Variants in CNTN5 observed in about 807,000 individuals in gnomAD.
The protein encoded by CNTN5 is contactin-5.
In CNTN5, 77 loss-of-function variants were observed where a neutral mutation model predicts 129.1. The ratio of observed to expected loss-of-function variants is 0.60; its 90% CI spans 0.50 to 0.72. The LOEUF (loss-of-function observed/expected upper bound fraction) is 0.72, where lower values mean the gene tolerates loss of function less well. Among genes scored for constraint, CNTN5 ranks in the 30% least tolerant of loss-of-function variants. The pLI, the probability that CNTN5 is intolerant of heterozygous loss-of-function variation, is 0.00. For synonymous variants in CNTN5, 509 were observed against 465.6 expected, an observed-to-expected ratio of 1.09 and a Z score of -1.20; for missense variants, 1,478 against 1,328.8, an observed-to-expected ratio of 1.11 and a Z score of -1.75.
chr11:99,763,389 C>G (rs946650520), intron 3 of CNTN5, among the ~76,000 whole-genome samples: 3 of 152,044 alleles, frequency 2.0e-5, no homozygotes, highest in Non-Finnish European at 2.9e-5. Flanking sequence ...AAAATTCTAA[C>G]TCATGTAAGC....
At chr11:99,263,214 T>C (rs1862726260) in intron 1 of CNTN5, among the ~76,000 whole-genome samples, 1 of 152,128 alleles carries the variant, frequency 6.6e-6, no homozygotes, top group South Asian at 2.1e-4. Context: ...GTTTCCTGTG[T>C]GATGCCAACA....
At chr11:100,121,351 A>G (rs1000182632) in intron 13 of CNTN5, among the ~76,000 whole-genome samples, 3 of 152,076 alleles carry the variant, frequency 2.0e-5, no homozygotes, top group African/African-American at 7.2e-5. Flanking sequence ...ACAGATTTTA[A>G]TCTTCCTTCC....
chr11:99,309,836 A>T (rs1385111637), intron 1 of CNTN5, among the ~76,000 whole-genome samples: 10 of 152,200 alleles, frequency 6.6e-5, no homozygotes, highest in African/African-American at 2.2e-4. Context: ...TTTAACTATT[A>T]ATATACATTA....
intron 2 of CNTN5, among the ~76,000 whole-genome samples, chr11:99,476,993 T>A (rs2726363): frequency 0.75 from 113,411 of 151,614 alleles, 42,888 homozygotes; most frequent in Middle Eastern, 0.86. Flanking sequence ...TGCTTTTTTC[T>A]TACCATCTCT....
At chr11:100,251,631 CT>C (rs574389342) in intron 16 of CNTN5, among the ~76,000 whole-genome samples, 3 of 151,692 alleles carry the variant, frequency 2.0e-5, no homozygotes, top group East Asian at 3.9e-4. Context: ...CTATGAGATC[CT>C]TTTTTTTAGC....
At chr11:99,737,042 G>A (rs905810476) in intron 3 of CNTN5, among the ~76,000 whole-genome samples, 34 of 152,096 alleles carry the variant, frequency 2.2e-4, no homozygotes, top group African/African-American at 7.0e-4. Context: ...GCCTTCTGTC[G>A]TCAAGTTTCA....
intron 13 of CNTN5, among the ~76,000 whole-genome samples, chr11:100,137,872 T>C (rs1275066943): frequency 2.6e-5 from 4 of 151,990 alleles, no homozygotes; most frequent in African/African-American, 4.8e-5. Context: ...CTGCCCACAG[T>C]GTAAAGGGTG....
At chr11:99,336,048 A>G (rs968839990) in intron 2 of CNTN5, among the ~76,000 whole-genome samples, 1 of 152,028 alleles carries the variant, frequency 6.6e-6, no homozygotes, top group Non-Finnish European at 1.5e-5. Flanking sequence ...AAAAAAAAAA[A>G]CTTTTTGTTT....
chr11:99,696,232 A>G (rs558680887), intron 3 of CNTN5, among the ~76,000 whole-genome samples: 3 of 152,188 alleles, frequency 2.0e-5, no homozygotes, highest in East Asian at 3.9e-4. Flanking sequence ...GTTTGCCACA[A>G]TAGAGCTTCC....
At chr11:99,990,404 T>A (rs1348413801) in intron 8 of CNTN5, among the ~76,000 whole-genome samples, 2 of 150,222 alleles carry the variant, frequency 1.3e-5, no homozygotes, top group Non-Finnish European at 2.9e-5. Flanking sequence ...CAAAAAAAAA[T>A]ATTTTTAGAA....
At chr11:99,815,824 T>C (rs1449400331) in intron 3 of CNTN5, among the ~76,000 whole-genome samples, 1 of 152,208 alleles carries the variant, frequency 6.6e-6, no homozygotes, top group African/African-American at 2.4e-5. Context: ...TTGGCATTTC[T>C]GTCTATTTCA....
At chr11:99,491,752 C>T (rs991848362) in intron 2 of CNTN5, among the ~76,000 whole-genome samples, 2 of 152,106 alleles carry the variant, frequency 1.3e-5, no homozygotes, top group African/African-American at 4.8e-5. Context: ...ATCACCAGTA[C>T]ATTTTGCTTT....
chr11:99,600,119 T>A (rs527874219), intron 3 of CNTN5, among the ~76,000 whole-genome samples: 9 of 152,276 alleles, frequency 5.9e-5, no homozygotes, highest in African/African-American at 2.2e-4. Flanking sequence ...AAAAATGTGC[T>A]GTACACTTAA....
At chr11:100,306,933 T>C (rs920346203) in intron 20 of CNTN5, among the ~76,000 whole-genome samples, 2 of 151,744 alleles carry the variant, frequency 1.3e-5, no homozygotes, top group African/African-American at 2.4e-5. Context: ...TAATGTGAAT[T>C]TGCCAAAGCA....
At chr11:99,400,186 G>T (rs1484453305) in intron 2 of CNTN5, among the ~76,000 whole-genome samples, 1 of 151,766 alleles carries the variant, frequency 6.6e-6, no homozygotes, top group Non-Finnish European at 1.5e-5. Context: ...ACCCTTCTTA[G>T]CCTCTGCTTA....
intron 13 of CNTN5, among the ~76,000 whole-genome samples, chr11:100,144,017 T>C (rs1471996279): frequency 1.3e-5 from 2 of 152,176 alleles, no homozygotes; most frequent in Non-Finnish European, 2.9e-5. Context: ...TTCTCTGTAA[T>C]GATTCTCTAT....
chr11:99,428,180 A>G (rs1417890438), intron 2 of CNTN5, among the ~76,000 whole-genome samples: 2 of 152,094 alleles, frequency 1.3e-5, no homozygotes, highest in Admixed American at 1.3e-4. Context: ...CAACTGCCTT[A>G]TTTACTACTT....
At chr11:99,136,778 TG>T (rs1859247258) in intron 1 of CNTN5, among the ~76,000 whole-genome samples, 1 of 27,910 alleles carries the variant, frequency 3.6e-5, no homozygotes, top group African/African-American at 2.2e-4. Flanking sequence ...TAAAAGGACA[TG>T]GGTTGTTTTA....
At chr11:99,949,461 G>A (rs145448863) in intron 7 of CNTN5, among the ~76,000 whole-genome samples, 23 of 152,224 alleles carry the variant, frequency 1.5e-4, no homozygotes, top group East Asian at 1.4e-3. Context: ...GTTGGTTAAG[G>A]CAGGGATTTG....
Sources: gnomAD v4.1 joint callset for allele counts (sites outside exome capture counted in the v4.1 genomes callset) on GRCh38, gnomAD v4.1.1 for gene constraint, MANE v1.5 for transcripts, NCBI Gene and HGNC (gene_info 2026-07-23, HGNC 2026-07-21) for gene names.